The following UGT1A8 variants were observed in gnomAD, a reference collection of about 807,000 sequenced individuals.
UGT1A8 encodes the protein UDP-glucuronosyltransferase 1A8.
UGT1A8 carries 39 observed loss-of-function variants against 45.3 expected under a neutral mutation model. The observed-to-expected ratio is 0.86, with a 90% confidence interval of 0.67 to 1.12. The LOEUF is 1.12. Among genes scored for constraint, UGT1A8 ranks in the 50% most tolerant of loss-of-function variants. The probability of loss-of-function intolerance (pLI) is 0.00; values close to 1 mark genes in which losing one functional copy is unlikely to be tolerated. For synonymous variants in UGT1A8, 275 were observed against 249.2 expected (o/e 1.10, Z -0.97); for missense variants, 719 against 664.9 (o/e 1.08, Z -0.90).
intron 1 of UGT1A8, among the ~76,000 whole-genome samples, chr2:233,645,915 G>C (rs977778052): frequency 1.3e-5 from 2 of 152,206 alleles, no homozygotes; most frequent in African/African-American, 4.8e-5. Flanking sequence ...CTGTTTGGGG[G>C]CTTCAACCCC....
intron 1 of UGT1A8, among the ~76,000 whole-genome samples, chr2:233,685,285 C>T (rs4338954): frequency 2.0e-5 from 3 of 151,892 alleles, no homozygotes; most frequent in Admixed American, 1.3e-4. Context: ...CGCCCGCCTC[C>T]GCCTTTCAAA....
chr2:233,666,777 C>T (rs1224990493), intron 1 of UGT1A8, among the ~76,000 whole-genome samples: 1 of 151,356 alleles, frequency 6.6e-6, no homozygotes, highest in Admixed American at 6.6e-5. Context: ...TTAGGTATCT[C>T]TCCTAATGCT....
intron 1 of UGT1A8, among the ~76,000 whole-genome samples, chr2:233,627,624 T>TCTTCCTTCCTCC: frequency 8.9e-6 from 1 of 112,020 alleles, no homozygotes; most frequent in Middle Eastern, 4.2e-3. Flanking sequence ...TTCCTTCCTT[T>TCTTCCTTCCTCC]CTTCCTTCCT....
chr2:233,667,425 A>C (rs1415942038), intron 1 of UGT1A8, among the ~76,000 whole-genome samples: 2 of 152,238 alleles, frequency 1.3e-5, no homozygotes, highest in Non-Finnish European at 2.9e-5. Context: ...AAACCATAAA[A>C]ACCCTAGAAG....
intron 1 of UGT1A8, chr2:233,692,718 T>G: frequency 2.5e-6 from 2 of 787,046 alleles, no homozygotes; most frequent in East Asian, 4.8e-5. Context: ...TTCAAAGTGT[T>G]GCTATAACTT....
intron 1 of UGT1A8, among the ~76,000 whole-genome samples, chr2:233,688,756 A>G (rs1000239457): frequency 4.6e-5 from 7 of 152,238 alleles, no homozygotes; most frequent in African/African-American, 1.7e-4. Context: ...CCATAATCAA[A>G]TGAACATGGC....
At chr2:233,700,651 T>C (rs1028601197) in intron 1 of UGT1A8, among the ~76,000 whole-genome samples, 22 of 152,344 alleles carry the variant, frequency 1.4e-4, no homozygotes, top group African/African-American at 5.1e-4. Context: ...AGTGTTTACA[T>C]ATTTCTACTT....
chr2:233,701,851 A>G (rs2075655797), intron 1 of UGT1A8, among the ~76,000 whole-genome samples: 1 of 152,220 alleles, frequency 6.6e-6, no homozygotes, highest in Non-Finnish European at 1.5e-5. Context: ...AGCAGTGTGT[A>G]GAGGGAAATT....
At chr2:233,649,171 T>A in intron 1 of UGT1A8, 1 of 445,166 alleles carries the variant, frequency 2.2e-6, no homozygotes, top group Non-Finnish European at 3.5e-6. Context: ...GCCATCCACG[T>A]GTTTGTTGGT....
intron 1 of UGT1A8, among the ~76,000 whole-genome samples, chr2:233,762,298 G>A (rs1261319801): frequency 6.6e-6 from 1 of 152,140 alleles, no homozygotes; most frequent in Non-Finnish European, 1.5e-5. Flanking sequence ...TGCCAACCGA[G>A]GTCTAGTTAA....
At chr2:233,730,105 C>T (rs1305477066) in intron 1 of UGT1A8, 1 of 1,574,650 alleles carries the variant, frequency 6.4e-7, no homozygotes, top group Non-Finnish European at 8.6e-7. Context: ...TATTTCATTT[C>T]TGCTTCTCCT....
chr2:233,700,300 T>C (rs777696767), intron 1 of UGT1A8, among the ~76,000 whole-genome samples: 9 of 152,238 alleles, frequency 5.9e-5, no homozygotes, highest in Non-Finnish European at 1.0e-4. Context: ...CTTAGGCCAA[T>C]GTCTACAATG....
At chr2:233,700,549 G>A (rs563571218) in intron 1 of UGT1A8, among the ~76,000 whole-genome samples, 28 of 151,836 alleles carry the variant, frequency 1.8e-4, no homozygotes, top group African/African-American at 6.3e-4. Flanking sequence ...GAGAATAAGG[G>A]GTTATAAAAA....
At chr2:233,652,554 A>C (rs1363688664) in intron 1 of UGT1A8, among the ~76,000 whole-genome samples, 5 of 152,026 alleles carry the variant, frequency 3.3e-5, no homozygotes, top group Non-Finnish European at 1.5e-5. Context: ...AAAATCAATA[A>C]CTCTTTAATA....
At position 233,713,657 on chromosome 2, in the gene UGT1A8, C is replaced by T. The variant is rs763333257; in HGVS notation, c.856-53377C>T. 2.0e-5 allele frequency: 32 copies of T among 1,613,872 alleles called. No homozygotes were observed. In the South Asian group the frequency reaches 2.1e-4, roughly 11 times the overall value. ...TGCTCTACCCTCTGGCCCTGTCCTACCTTTGCCATGCTGTTTCTGCTCCTT... is the reference window on the plus strand; with the variant it reads ...TGCTCTACCCTCTGGCCCTGTCCTATCTTTGCCATGCTGTTTCTGCTCCTT... On this transcript the variant is annotated intron_variant, in intron 1 of 4. Transcript: ENST00000373450.
intron 4 of UGT1A8, among the ~76,000 whole-genome samples, chr2:233,772,017 G>T (rs1484729268): frequency 7.9e-5 from 12 of 152,188 alleles, no homozygotes; most frequent in African/African-American, 9.7e-5. Context: ...GGAGGCTGAG[G>T]CAGGAGGATG....
chr2:233,703,301 T>C (rs2075730919), intron 1 of UGT1A8, among the ~76,000 whole-genome samples: 1 of 150,038 alleles, frequency 6.7e-6, no homozygotes, highest in Non-Finnish European at 1.5e-5. Flanking sequence ...ATTCCCTCTT[T>C]CATTTCATAT....
At chr2:233,626,906 C>T (rs2073093959) in intron 1 of UGT1A8, among the ~76,000 whole-genome samples, 1 of 152,046 alleles carries the variant, frequency 6.6e-6, no homozygotes, top group African/African-American at 2.4e-5. Flanking sequence ...CATTTTCTGC[C>T]TTCAGGGACA....
chr2:233,648,232 G>A, intron 1 of UGT1A8: 1 of 627,572 alleles, frequency 1.6e-6, no homozygotes, highest in South Asian at 2.5e-5. Flanking sequence ...CTGAAAATTA[G>A]TAGAATACTT....
Sources: gnomAD v4.1 joint callset for allele counts (sites outside exome capture counted in the v4.1 genomes callset) on GRCh38, gnomAD v4.1.1 for gene constraint, MANE v1.5 for transcripts, NCBI Gene and HGNC (gene_info 2026-07-23, HGNC 2026-07-21) for gene names.